Variants in GARNL3 observed in about 807,000 individuals in gnomAD.
The protein encoded by GARNL3 is GTPase-activating Rap/Ran-GAP domain-like protein 3.
In GARNL3, 63 loss-of-function variants were observed where a neutral mutation model predicts 125.0. That is an observed-to-expected ratio of 0.50 (90% confidence interval 0.41 to 0.62). The LOEUF (loss-of-function observed/expected upper bound fraction) is 0.62. GARNL3 is among the 20% of genes least tolerant of loss of function. The pLI is 0.00. For missense variants in GARNL3, 994 were observed against 1,244.0 expected, an observed-to-expected ratio of 0.80 and a Z score of 3.02; for synonymous variants, 439 against 457.5, an observed-to-expected ratio of 0.96 and a Z score of 0.52.
chr9:127,267,941 C>T (rs2063738478), intron 1 of GARNL3, among the ~76,000 whole-genome samples: 1 of 152,146 alleles, frequency 6.6e-6, no homozygotes, highest in African/African-American at 2.4e-5. Context: ...TGAAGCTCGG[C>T]CATTCATATC....
intron 2 of GARNL3, among the ~76,000 whole-genome samples, chr9:127,254,723 C>T (rs1302173622): frequency 2.7e-5 from 4 of 150,646 alleles, no homozygotes; most frequent in Admixed American, 1.3e-4. Flanking sequence ...GAGCCAAGAT[C>T]GTGCCACTGC....
intron 2 of GARNL3, among the ~76,000 whole-genome samples, chr9:127,246,102 G>C (rs907417214): frequency 6.6e-6 from 1 of 152,190 alleles, no homozygotes; most frequent in African/African-American, 2.4e-5. Context: ...GGTGGGCAAT[G>C]AGCCTGTGAA....
intron 2 of GARNL3, among the ~76,000 whole-genome samples, chr9:127,254,832 A>G (rs61433926): frequency 0.035 from 5,252 of 152,078 alleles, 298 homozygotes; most frequent in African/African-American, 0.12. Context: ...AAGGAGGGGG[A>G]CAAAAGATTT....
chr9:127,265,516 C>G (rs769034432), intron 1 of GARNL3, among the ~76,000 whole-genome samples: 1 of 151,844 alleles, frequency 6.6e-6, no homozygotes, highest in Non-Finnish European at 1.5e-5. Flanking sequence ...TATGGATGAT[C>G]AATATTTGGA....
At chr9:127,321,420 G>A (rs1464045204) in intron 6 of GARNL3, among the ~76,000 whole-genome samples, 1 of 152,180 alleles carries the variant, frequency 6.6e-6, no homozygotes, top group Admixed American at 6.5e-5. Context: ...GCCCAGCCTG[G>A]AATGTTAAAG....
At chr9:127,373,555 A>C (rs1323196623) in intron 22 of GARNL3, among the ~76,000 whole-genome samples, 3 of 152,174 alleles carry the variant, frequency 2.0e-5, no homozygotes, top group Admixed American at 6.5e-5. Flanking sequence ...TCTTGAGGCC[A>C]GGAGTTCAAA....
intron 2 of GARNL3, among the ~76,000 whole-genome samples, chr9:127,306,074 C>A (rs1261514825): frequency 2.0e-5 from 3 of 152,160 alleles, no homozygotes; most frequent in Non-Finnish European, 4.4e-5. Context: ...CAGACAGTTG[C>A]AAGTGCTTCA....
chr9:127,262,923 A>G (rs980094031), upstream of GARNL3, among the ~76,000 whole-genome samples: 1 of 152,188 alleles, frequency 6.6e-6, no homozygotes, highest in African/African-American at 2.4e-5. Context: ...GAGCCTGGGA[A>G]AGGAAGAGGG....
chr9:127,236,667 C>G (rs1357408345), intron 1 of GARNL3, among the ~76,000 whole-genome samples: 1 of 152,144 alleles, frequency 6.6e-6, no homozygotes. Context: ...CCTCAGTTCC[C>G]CCTGCTTCGG....
chr9:127,323,257 A>C (rs767087011), intron 6 of GARNL3, among the ~76,000 whole-genome samples: 3 of 152,232 alleles, frequency 2.0e-5, no homozygotes, highest in Non-Finnish European at 4.4e-5. Context: ...ATGCTCACAA[A>C]TTCAGGAACA....
At chr9:127,292,630 C>G (rs1247571846) in intron 2 of GARNL3, among the ~76,000 whole-genome samples, 2 of 152,266 alleles carry the variant, frequency 1.3e-5, no homozygotes, top group African/African-American at 4.8e-5. Context: ...AAGCACAACT[C>G]TGGCCCCTGC....
chr9:127,227,045 G>A (rs1194515646), intron 1 of GARNL3, among the ~76,000 whole-genome samples: 1 of 152,212 alleles, frequency 6.6e-6, no homozygotes, highest in Non-Finnish European at 1.5e-5. Context: ...GTTGAGCTAA[G>A]GAACTGAATT....
At chr9:127,275,807 C>A (rs970444769) in intron 1 of GARNL3, among the ~76,000 whole-genome samples, 2 of 152,114 alleles carry the variant, frequency 1.3e-5, no homozygotes, top group African/African-American at 4.8e-5. Context: ...ACTTTGGGTT[C>A]TTTTATGTGC....
intron 6 of GARNL3, among the ~76,000 whole-genome samples, chr9:127,323,782 C>G (rs535016203): frequency 6.6e-6 from 1 of 151,974 alleles, no homozygotes; most frequent in African/African-American, 2.4e-5. Flanking sequence ...TATACACCTA[C>G]TGATGTACCC....
chr9:127,325,069 G>A lies in GARNL3; in HGVS notation c.568G>A (p.Asp190Asn). The A allele has an allele frequency of 6.2e-7, 1 of 1,613,422 alleles. No homozygotes were observed. The highest frequency in any genetic ancestry group is 8.5e-7 in the Non-Finnish European group (1 of 1,179,482). Residue 190 changes from aspartate (D) to asparagine (N), a missense_variant and splice_region_variant, in exon 7 of 28, where the codon GAC (aspartate) becomes AAC (asparagine). By Grantham distance (23) the Asp-to-Asn change is conservative. Around this residue, in one of 5 missense-constraint regions of GARNL3, gnomAD observed 139 missense variants for 231.6 expected, o/e 0.60. Transcript: ENST00000373387. ...REIFHPEIQK[D>N]LLVLEEQEGS... ...TAACTTTTAAAACTTTATTTGACAG[G>A]ACTTGCTGGTTCTTGAAGAACAAGA...
intron 22 of GARNL3, among the ~76,000 whole-genome samples, chr9:127,379,084 G>T (rs930364313): frequency 6.6e-6 from 1 of 152,182 alleles, no homozygotes; most frequent in African/African-American, 2.4e-5. Flanking sequence ...GGACAACAGT[G>T]ATTTATTAAT....
At chr9:127,254,642 G>C (rs1430995096) in intron 2 of GARNL3, among the ~76,000 whole-genome samples, 1 of 152,022 alleles carries the variant, frequency 6.6e-6, no homozygotes, top group African/African-American at 2.4e-5. Context: ...GGTGGCACGT[G>C]CCTGTAATCC....
At chr9:127,343,989 A>C (rs1462164369) in intron 14 of GARNL3, among the ~76,000 whole-genome samples, 1 of 152,020 alleles carries the variant, frequency 6.6e-6, no homozygotes, top group Non-Finnish European at 1.5e-5. Context: ...ATACAGCTGC[A>C]GGTCTGCTGA....
chr9:127,390,517 T>C lies in GARNL3; in HGVS notation c.2744-124T>C, dbSNP rs1832765434. On this transcript the variant is annotated intron_variant, in intron 26 of 27. Coordinates refer to ENST00000373387, the MANE Select transcript of GARNL3 (RefSeq NM_032293.5). ...CAATAATTTGAAAATATATATTCTA[T>C]CATCTTTCTTCCTGACTCTAGCACA... 22 of 831,232 alleles carry C rather than the reference T, an allele frequency of 2.6e-5. No homozygotes were observed. The South Asian group carries it at 3.7e-4, about 14-fold the overall frequency. 51.5% of individuals were successfully genotyped at this position (831,232 alleles called of 1,614,324 possible).
Sources: allele counts gnomAD v4.1 joint callset (sites outside exome capture counted in the v4.1 genomes callset), GRCh38; gene constraint gnomAD v4.1.1; regional missense constraint gnomAD v4.1.1; transcripts MANE v1.5; gene names NCBI Gene and HGNC (gene_info 2026-07-23, HGNC 2026-07-21).